PAFAH2: variants seen among roughly 807,000 people sequenced by gnomAD.
PAFAH2 encodes the protein platelet activating factor acetylhydrolase 2, also known as platelet-activating factor acetylhydrolase 2, cytoplasmic.
PAFAH2 carries 42 observed loss-of-function variants against 49.0 expected under a neutral mutation model. That is an observed-to-expected ratio of 0.86 (90% CI 0.67 to 1.11). The LOEUF (loss-of-function observed/expected upper bound fraction) is 1.11, where lower values mean the gene tolerates loss of function less well. Ranked by LOEUF, PAFAH2 falls within the 50% of genes least tolerant of loss-of-function variation. The pLI is 0.00. For missense variants in PAFAH2, 503 were observed against 501.8 expected, an observed-to-expected ratio of 1.00 and a Z score of -0.02; for synonymous variants, 184 against 181.3, an observed-to-expected ratio of 1.01 and a Z score of -0.12.
At chr1:25,992,744 G>A (rs1004380963) in intron 1 of PAFAH2, among the ~76,000 whole-genome samples, 2 of 152,192 alleles carry the variant, frequency 1.3e-5, no homozygotes, top group African/African-American at 4.8e-5. Context: ...AGTGTCCCTT[G>A]CCTTGTGATT....
At chr1:25,979,611 C>A (rs548195389) in intron 7 of PAFAH2, among the ~76,000 whole-genome samples, 2 of 152,256 alleles carry the variant, frequency 1.3e-5, no homozygotes, top group East Asian at 3.9e-4. Context: ...CCTCAGCCTC[C>A]CAAGTAGCTG....
chr1:25,962,569 C>T (rs551971946), intron 10 of PAFAH2, among the ~76,000 whole-genome samples: 183 of 152,124 alleles, frequency 1.2e-3, no homozygotes, highest in African/African-American at 4.3e-3. Context: ...ATGCCTGTAA[C>T]CCTAGTGCTT....
Position 25,975,108 on chromosome 1 carries a change from C to A in PAFAH2, c.759-458G>T, listed in dbSNP as rs78345733. Among the ~76,000 whole-genome samples the A allele has an allele frequency of 2.8e-3, 421 of 152,262 alleles. 3 individuals carry two copies. Among genetic ancestry groups the A allele is most frequent in the African/African-American group, 9.6e-3 (398 of 41,548 alleles). ...CTTAGTGCCCTGATTGCACAAGGTT[C>A]TATGTGAGGTCAGGAAAAGCCTCCT... On this transcript the variant is annotated intron_variant, in intron 8 of 10. Transcript: ENST00000374282.
Position 25,992,279 on chromosome 1 carries a change from G to A in PAFAH2, c.-47-1416C>T, listed in dbSNP as rs537452489. On this transcript the variant is annotated intron_variant, in intron 1 of 10. Coordinates refer to ENST00000374282, the MANE Select transcript of PAFAH2 (RefSeq NM_000437.4). ...GCACTTATGCTGGGCCTTTAAAGAT[G>A]AGGAAGTTGAGAGGCAGGGGAGGAG... Among the ~76,000 whole-genome samples, 53 of 152,256 alleles carry A rather than the reference G, an allele frequency of 3.5e-4. No homozygotes were observed. In the South Asian group the frequency reaches 0.01, roughly 30 times the overall value.
intron 1 of PAFAH2, among the ~76,000 whole-genome samples, chr1:25,992,830 C>G (rs572731998): frequency 6.6e-6 from 1 of 152,308 alleles, no homozygotes; most frequent in South Asian, 2.1e-4. Flanking sequence ...TTCTTATTCT[C>G]CGGTCAGTAT....
In PAFAH2 at chr1:25,961,892, T is replaced by C; in HGVS notation, c.*97A>G. On this transcript the variant is annotated 3_prime_UTR_variant, in exon 11 of 11. Transcript: ENST00000374282. ...ACACCTTTCAATCTGTGAAAAGGGGTCACGTTGATCACTTCTTGATAGGAG... is the reference window on the plus strand; with the variant it reads ...ACACCTTTCAATCTGTGAAAAGGGGCCACGTTGATCACTTCTTGATAGGAG... 4.0e-6 allele frequency: 3 copies of C among 757,090 alleles called. No individual in the cohort carries two copies. The highest frequency in any genetic ancestry group is 4.6e-6 in the Non-Finnish European group (2 of 437,876). The allele number at this position is 757,090 out of a possible 1,614,324, so 46.9% of individuals were successfully genotyped here. A position where few individuals can be genotyped will look rare whatever the true frequency, so the allele number is the denominator to read the frequency against.
At chr1:25,980,824 C>T (rs4507998) in intron 7 of PAFAH2, among the ~76,000 whole-genome samples, 81,432 of 151,044 alleles carry the variant, frequency 0.54, 24,976 homozygotes, top group East Asian at 0.7. Context: ...TTGAGATCAG[C>T]CTGGGAAACA....
intron 1 of PAFAH2, among the ~76,000 whole-genome samples, chr1:25,992,141 G>T (rs1426074114): frequency 6.6e-6 from 1 of 152,020 alleles, no homozygotes; most frequent in Non-Finnish European, 1.5e-5. Flanking sequence ...ATGTTGTCCA[G>T]GCTGGTCTCA....
intron 4 of PAFAH2, among the ~76,000 whole-genome samples, chr1:25,985,041 T>C (rs2049761257): frequency 6.6e-6 from 1 of 152,000 alleles, no homozygotes; most frequent in African/African-American, 2.4e-5. Context: ...GTATTTTTAG[T>C]AGAGGTGGGG....
Position 25,964,830 on chromosome 1 carries a change from T to C in PAFAH2, c.1085-2747A>G, listed in dbSNP as rs1456815009. 2.0e-5 allele frequency among the ~76,000 whole-genome samples: 3 copies of C among 152,152 alleles called. No individual in the cohort carries two copies. In the East Asian group the frequency reaches 5.8e-4, roughly 29 times the overall value. ...ATGGAAGAATCAATGTTGTTAAAAA[T>C]GACCATAATGCTCAAAGCAATTTAC... is the stretch of plus-strand genomic sequence containing the variant. On this transcript the variant is annotated intron_variant, in intron 10 of 10. Transcript: ENST00000374282.
chr1:25,976,622 C>G lies in PAFAH2; in HGVS notation c.758+60G>C, dbSNP rs968006536. 1.8e-5 allele frequency: 23 copies of G among 1,248,444 alleles called. No homozygotes were observed. The East Asian group carries it at 5.3e-4, about 29-fold the overall frequency. The allele number at this position is 1,248,444 out of a possible 1,614,324, so 77.3% of individuals were successfully genotyped here. On this transcript the variant is annotated intron_variant, in intron 8 of 10. Coordinates refer to ENST00000374282, the MANE Select transcript of PAFAH2 (RefSeq NM_000437.4). ...GAATATAGTACTTGTGTAACAAATA[C>G]TTTCTAAATGAATAAACGGTGTATG...
In PAFAH2 at chr1:25,990,790, A is replaced by G. The variant is rs2049860784; in HGVS notation, c.27T>C (p.Phe9=). 2 of 1,613,960 alleles carry G rather than the reference A, an allele frequency of 1.2e-6. No individual in the cohort carries two copies. Among genetic ancestry groups the G allele is most frequent in the Admixed American group, 3.3e-5 (2 of 59,982 alleles). MGVNQSVG[F]PPVTGPHLVG... ...CGAGGTGGGGTCCTGTGACAGGTGG[A>G]AAGCCCACAGACTGGTTGACCCCCA... The change falls in exon 2 of 11, where the codon TTT becomes TTC. Residue 9 remains phenylalanine (F), a synonymous_variant. Transcript: ENST00000374282.
chr1:25,984,394 T>C (rs1318234283), intron 5 of PAFAH2, 66 bp downstream of exon 5: 18 of 1,180,646 alleles, frequency 1.5e-5, no homozygotes, highest in Non-Finnish European at 2.0e-5. Context: ...AATAGTACAT[T>C]GATAGGGGAC....
rs572335675 is a variant in PAFAH2 at position 25,983,894 on chromosome 1, T to C, written c.552+52A>G. ...CTAAAAGTCTTGCTATCAAATATAGTAGGGAGAGAACAGGCTCATTAACTC... is the reference window on the plus strand; with the variant it reads ...CTAAAAGTCTTGCTATCAAATATAGCAGGGAGAGAACAGGCTCATTAACTC... On this transcript the variant is annotated intron_variant, in intron 6 of 10. Transcript: ENST00000374282. 2.8e-5 allele frequency: 44 copies of C among 1,586,070 alleles called. No homozygotes were observed. The East Asian group carries it at 6.7e-4, about 24-fold the overall frequency.
chr1:25,977,014 CTTTTTTTTTTT>C (rs201548055), intron 7 of PAFAH2, among the ~76,000 whole-genome samples: 8 of 88,362 alleles, frequency 9.1e-5, no homozygotes, highest in African/African-American at 2.5e-4. Flanking sequence ...TTCATGTTTA[CTTTTTTTTTTT>C]TTTTTTTTTT....
chr1:25,976,273 G>A (rs1211626154), intron 8 of PAFAH2, among the ~76,000 whole-genome samples: 1 of 152,038 alleles, frequency 6.6e-6, no homozygotes, highest in Non-Finnish European at 1.5e-5. Context: ...AAAGTAGCCG[G>A]GACTACAGGC....
chr1:25,987,209 G>C (rs997814710), intron 4 of PAFAH2, among the ~76,000 whole-genome samples: 5 of 149,972 alleles, frequency 3.3e-5, no homozygotes, highest in African/African-American at 9.8e-5. Context: ...ACTCCAGCCT[G>C]GGCGACTGAT....
intron 1 of PAFAH2, among the ~76,000 whole-genome samples, chr1:25,991,208 G>T (rs1414349876): frequency 6.6e-6 from 1 of 152,094 alleles, no homozygotes; most frequent in Non-Finnish European, 1.5e-5. Flanking sequence ...CATTATTTAC[G>T]GTTAGCACTG....
intron 7 of PAFAH2, among the ~76,000 whole-genome samples, chr1:25,980,540 C>T (rs1170427375): frequency 6.7e-6 from 1 of 150,306 alleles, no homozygotes; most frequent in Admixed American, 6.6e-5. Flanking sequence ...ATCTCTTGAC[C>T]TTGTGATCCA....
Sources: gnomAD v4.1 joint callset for allele counts (sites outside exome capture counted in the v4.1 genomes callset) on GRCh38, gnomAD v4.1.1 for gene constraint, MANE v1.5 for transcripts, NCBI Gene and HGNC (gene_info 2026-07-23, HGNC 2026-07-21) for gene names.